Variants in ZEB1 observed in about 807,000 individuals in gnomAD.
ZEB1 encodes zinc finger E-box-binding homeobox 1.
ZEB1 carries 21 observed loss-of-function variants against 84.9 expected under a neutral mutation model. The observed-to-expected ratio is 0.25, with a 90% CI of 0.18 to 0.36. The LOEUF (loss-of-function observed/expected upper bound fraction) is 0.36. Ranked by LOEUF, ZEB1 falls within the 10% of genes least tolerant of loss-of-function variation. The pLI, the probability that ZEB1 is intolerant of heterozygous loss-of-function variation, is 1.00. For synonymous variants in ZEB1, 420 were observed against 471.1 expected (o/e 0.89, Z 1.41); for missense variants, 1,104 against 1,330.2 (o/e 0.83, Z 2.65).
In ZEB1 at chr10:31,456,173, C is replaced by T. The variant is rs530384216; in HGVS notation, c.59-4864C>T. On this transcript the variant is annotated intron_variant, in intron 1 of 8. Coordinates refer to ENST00000424869, the MANE Select transcript of ZEB1 (RefSeq NM_001174096.2). Reference sequence around the variant, plus strand: ...ATCACAAGAACAGAAAACCAAACACCGCATGTTCTCACTCATGGGTGGGAG... The same window carrying T: ...ATCACAAGAACAGAAAACCAAACACTGCATGTTCTCACTCATGGGTGGGAG... 3.3e-5 allele frequency among the ~76,000 whole-genome samples: 5 copies of T among 152,204 alleles called. No homozygotes were observed. In the East Asian group the frequency reaches 5.8e-4, roughly 18 times the overall value.
At chr10:31,498,776 C>G (rs2067662927) in intron 3 of ZEB1, among the ~76,000 whole-genome samples, 1 of 151,714 alleles carries the variant, frequency 6.6e-6, no homozygotes, top group Non-Finnish European at 1.5e-5. Flanking sequence ...TATGAAAATG[C>G]TCTTTAAGAA....
At chr10:31,516,257 G>T (rs900241643) in intron 6 of ZEB1, among the ~76,000 whole-genome samples, 6 of 151,924 alleles carry the variant, frequency 3.9e-5, no homozygotes, top group South Asian at 2.1e-4. Flanking sequence ...GGAACACAAA[G>T]CTCCCACTGT....
intron 5 of ZEB1, among the ~76,000 whole-genome samples, chr10:31,514,200 C>T (rs73243716): frequency 6.6e-6 from 1 of 152,180 alleles, no homozygotes; most frequent in African/African-American, 2.4e-5. Flanking sequence ...ACAGGTTATT[C>T]AGTATTTGTG....
intron 4 of ZEB1, among the ~76,000 whole-genome samples, chr10:31,508,602 T>C (rs550806750): frequency 6.6e-5 from 10 of 152,040 alleles, no homozygotes; most frequent in African/African-American, 2.4e-4. Flanking sequence ...AATAGCATGC[T>C]CGGAAACTGG....
intron 1 of ZEB1, among the ~76,000 whole-genome samples, chr10:31,371,658 C>G (rs2134447964): frequency 6.6e-6 from 1 of 152,258 alleles, no homozygotes; most frequent in Admixed American, 6.5e-5. Context: ...CACTCTCCCC[C>G]ATCATATTTT....
intron 2 of ZEB1, among the ~76,000 whole-genome samples, chr10:31,475,687 A>T (rs1045789801): frequency 1.3e-5 from 2 of 152,166 alleles, no homozygotes; most frequent in Admixed American, 1.3e-4. Context: ...ATCCTGCCAA[A>T]CTAAGCTTCA....
chr10:31,333,392 G>A (rs1222602182), intron 1 of ZEB1, among the ~76,000 whole-genome samples: 1 of 152,082 alleles, frequency 6.6e-6, no homozygotes, highest in East Asian at 1.9e-4. Flanking sequence ...TAGATGGATG[G>A]TCTGAAATGT....
chr10:31,416,905 T>C (rs2055311553), intron 1 of ZEB1, among the ~76,000 whole-genome samples: 1 of 152,148 alleles, frequency 6.6e-6, no homozygotes, highest in South Asian at 2.1e-4. Flanking sequence ...GCTGTTAGAA[T>C]ACTTACAAAA....
At chr10:31,481,262 G>A (rs957948282) in intron 2 of ZEB1, among the ~76,000 whole-genome samples, 3 of 152,012 alleles carry the variant, frequency 2.0e-5, no homozygotes, top group African/African-American at 7.2e-5. Context: ...TATAAAAACA[G>A]ATAAATATGA....
chr10:31,372,998 A>T lies in ZEB1; in HGVS notation c.58+53706A>T, dbSNP rs2045978956. 8 of 985,144 alleles carry T rather than the reference A, an allele frequency of 8.1e-6. No homozygotes were observed. In the South Asian group the frequency reaches 2.8e-4, roughly 35 times the overall value. The allele number at this position is 985,144 out of a possible 1,614,324, so 61.0% of individuals were successfully genotyped here. A position where few individuals can be genotyped will look rare whatever the true frequency, so the allele number is the denominator to read the frequency against. On this transcript the variant is annotated intron_variant, in intron 1 of 8. Transcript: ENST00000424869. Reference sequence around the variant, plus strand: ...AGTTGGTGGGTGTGGGAACAACTTAATAAAGTTTGGGTAATTTAGTTTTCA... The same window carrying T: ...AGTTGGTGGGTGTGGGAACAACTTATTAAAGTTTGGGTAATTTAGTTTTCA...
intron 1 of ZEB1, chr10:31,361,236 A>G: frequency 6.2e-7 from 1 of 1,607,634 alleles, no homozygotes; most frequent in Admixed American, 1.7e-5. Flanking sequence ...CTCTGTCACC[A>G]GGCTGGAGTG....
In ZEB1 at chr10:31,520,626, A is replaced by G. The variant is rs1399007467; in HGVS notation, c.1294A>G (p.Asn432Asp). The G allele has an allele frequency of 6.2e-7, 1 of 1,614,042 alleles. No individual in the cohort carries two copies. Among genetic ancestry groups the G allele is most frequent in the Non-Finnish European group, 8.5e-7 (1 of 1,179,984 alleles). ...DGNVIRQVLE[N>D]NQANLASKEQ... ...TAATGTAATAAGGCAAGTGTTGGAG[A>G]ATAATCAAGCCAATCTTGCATCCAA... The change falls in exon 7 of 9, where the codon AAT (asparagine) becomes GAT (aspartate). Residue 432 changes from asparagine (N) to aspartate (D), a missense_variant. Physicochemically the swap from Asn to Asp is conservative, Grantham distance 23. Transcript: ENST00000424869. The surrounding 1 kb of genome is among the most constrained non-coding windows in gnomAD (Gnocchi z 5.1).
At chr10:31,351,017 T>TC (rs2041229998) in intron 1 of ZEB1, among the ~76,000 whole-genome samples, 1 of 152,106 alleles carries the variant, frequency 6.6e-6, no homozygotes, top group South Asian at 2.1e-4. Flanking sequence ...AGTTCCCTTC[T>TC]CCCCCATTAT....
chr10:31,374,589 A>C (rs1311483417), intron 1 of ZEB1, among the ~76,000 whole-genome samples: 2 of 151,852 alleles, frequency 1.3e-5, no homozygotes, highest in African/African-American at 4.8e-5. Flanking sequence ...AACCAATACT[A>C]TAAAATGGCA....
chr10:31,385,925 TAAAGGA>T (rs994451553), intron 1 of ZEB1, among the ~76,000 whole-genome samples: 3 of 152,182 alleles, frequency 2.0e-5, no homozygotes, highest in African/African-American at 7.2e-5. Flanking sequence ...GTTTAAAAGT[TAAAGGA>T]AAACAAATGA....
intron 2 of ZEB1, among the ~76,000 whole-genome samples, chr10:31,467,283 A>G (rs752060164): frequency 1.1e-4 from 17 of 152,158 alleles, no homozygotes; most frequent in Non-Finnish European, 2.1e-4. Context: ...AAGGAGCCCA[A>G]AAGCCTTCAG....
chr10:31,437,000 A>C (rs1355940185), intron 1 of ZEB1, among the ~76,000 whole-genome samples: 3 of 152,188 alleles, frequency 2.0e-5, no homozygotes, highest in Non-Finnish European at 4.4e-5. Context: ...ATTTTAATTC[A>C]CACTGCTACT....
intron 2 of ZEB1, among the ~76,000 whole-genome samples, chr10:31,494,096 A>G (rs2066908069): frequency 6.6e-6 from 1 of 152,046 alleles, no homozygotes; most frequent in Admixed American, 6.6e-5. Flanking sequence ...ATAGGTTTAC[A>G]ATAATCAGTA....
chr10:31,438,165 A>G (rs1402778124), intron 1 of ZEB1, among the ~76,000 whole-genome samples: 1 of 152,186 alleles, frequency 6.6e-6, no homozygotes, highest in Admixed American at 6.5e-5. Context: ...GCGTCTGTGC[A>G]GTAAGAGAGC....
Sources: gnomAD v4.1 joint callset for allele counts (sites outside exome capture counted in the v4.1 genomes callset) on GRCh38, gnomAD v4.1.1 for gene constraint, Gnocchi (gnomAD v3.1) non-coding constraint, MANE v1.5 for transcripts, NCBI Gene and HGNC (gene_info 2026-07-23, HGNC 2026-07-21) for gene names.